Variants in CREBBP observed in about 807,000 individuals in gnomAD.
CREBBP encodes the protein CREB-binding protein.
A neutral mutation model predicts 265.0 loss-of-function variants in CREBBP; 19 were observed. That is an observed-to-expected ratio of 0.07 (90% CI 0.05 to 0.11). The LOEUF is 0.11. CREBBP is among the 10% of genes least tolerant of loss of function. The pLI, the probability that CREBBP is intolerant of heterozygous loss-of-function variation, is 1.00. For synonymous variants in CREBBP, 1,457 were observed against 1,223.7 expected (o/e 1.19, Z -3.98); for missense variants, 2,525 against 3,219.0 (o/e 0.78, Z 5.22).
chr16:3,758,944 G>A lies in CREBBP; in HGVS notation c.3279C>T (p.Ala1093=), dbSNP rs1305289282. ...ACAGTGCTTCTAGGGTTGGCATGAGGGCCTGGCGTAACTCCTCTGGTTTAA... is the reference window on the plus strand; with the variant it reads ...ACAGTGCTTCTAGGGTTGGCATGAGAGCCTGGCGTAACTCCTCTGGTTTAA... The part of the protein sequence containing the change: ...KIFKPEELRQ[A]LMPTLEALYR... Residue 1093 remains alanine, a synonymous_variant, in exon 17 of 31, where the codon GCC becomes GCT. Coordinates refer to ENST00000262367, the MANE Select transcript of CREBBP (RefSeq NM_004380.3). The A allele has an allele frequency of 6.2e-7, 1 of 1,612,948 alleles. No individual in the cohort carries two copies. The highest frequency in any genetic ancestry group is 1.3e-5 in the African/African-American group (1 of 74,860).
intron 19 of CREBBP, among the ~76,000 whole-genome samples, chr16:3,754,801 TG>T (rs2052551744): frequency 6.6e-6 from 1 of 152,244 alleles, no homozygotes; most frequent in South Asian, 2.1e-4. Flanking sequence ...CTTGTTTAAA[TG>T]ATCTGTAGGA....
Position 3,778,051 on chromosome 16 carries a change from C to T in CREBBP, c.2073G>A (p.Gln691=), listed in dbSNP as rs2141233037. The change falls in exon 10 of 31, where the codon CAG becomes CAA. Residue 691 remains glutamine (Q), a synonymous_variant. Coordinates refer to ENST00000262367, the MANE Select transcript of CREBBP (RefSeq NM_004380.3). ...NQPALPAPGA[Q]PPVIPQAQPV... ...GTTGTGCCTGTGGAATCACAGGGGG[C>T]TGAGCCCCCGGGGCTGGTAAGGCTG... 1.2e-6 allele frequency: 2 copies of T among 1,614,242 alleles called. No homozygotes were observed. The highest frequency in any genetic ancestry group is 1.7e-6 in the Non-Finnish European group (2 of 1,180,036).
At position 3,850,676 on chromosome 16, in the gene CREBBP, G is replaced by A. The variant is rs776767724; in HGVS notation, c.419C>T (p.Thr140Ile). Residue 140 changes from threonine (T) to isoleucine (I), a missense_variant, in exon 2 of 31, where the codon ACC becomes ATC. Around this residue, in one of 19 missense-constraint regions of CREBBP, gnomAD observed 356 missense variants for 340.4 expected, o/e 1.05. Coordinates refer to ENST00000262367, the MANE Select transcript of CREBBP (RefSeq NM_004380.3). ...GGAGGCAGCGGGGGTGGGCCCAGAG[G>A]TGCTGGCTGCCTGTTTAGGCAGGCT... Reference protein sequence around the residue: ...APSLPKQAASTSGPTPAASQA... With the variant: ...APSLPKQAASISGPTPAASQA... 2 of 1,614,178 alleles carry A rather than the reference G, an allele frequency of 1.2e-6. No homozygotes were observed. Among genetic ancestry groups the A allele is most frequent in the South Asian group, 1.1e-5 (1 of 91,086 alleles).
At chr16:3,732,284 C>T (rs1396076029) in intron 28 of CREBBP, among the ~76,000 whole-genome samples, 1 of 152,184 alleles carries the variant, frequency 6.6e-6, no homozygotes, top group African/African-American at 2.4e-5. Flanking sequence ...CAACTGTGGT[C>T]AGCAGCTGTC....
chr16:3,766,118 AT>A (rs1487200351), intron 16 of CREBBP, among the ~76,000 whole-genome samples: 2 of 152,170 alleles, frequency 1.3e-5, no homozygotes, highest in African/African-American at 4.8e-5. Flanking sequence ...TTAAGTGTCA[AT>A]TGAAAAAAAA....
At chr16:3,819,130 A>C (rs2054095258) in intron 2 of CREBBP, among the ~76,000 whole-genome samples, 1 of 152,218 alleles carries the variant, frequency 6.6e-6, no homozygotes. Context: ...TTTCTGAAAA[A>C]ACCAAATTTT....
In CREBBP at chr16:3,727,693, G is replaced by C; in HGVS notation, c.*25C>G. On this transcript the variant is annotated 3_prime_UTR_variant, in exon 31 of 31. Transcript: ENST00000262367. Reference sequence around the variant, plus strand: ...GTACAAAAGGTCCAAGAACATGAAAGGGAAAAGGTGATGCTCTCACAATGC... The same window carrying C: ...GTACAAAAGGTCCAAGAACATGAAACGGAAAAGGTGATGCTCTCACAATGC... The C allele has an allele frequency of 6.2e-7, 1 of 1,611,558 alleles. No individual in the cohort carries two copies. Among genetic ancestry groups the C allele is most frequent in the Non-Finnish European group, 8.5e-7 (1 of 1,179,044 alleles).
Position 3,844,134 on chromosome 16 carries a change from C to T in CREBBP, c.798+6163G>A, listed in dbSNP as rs1303696685. 1.4e-4 allele frequency among the ~76,000 whole-genome samples: 16 copies of T among 114,154 alleles called. No homozygotes were observed. The Admixed American group carries it at 1.7e-3, about 12-fold the overall frequency. 74.9% of individuals were successfully genotyped at this position (114,154 alleles called of 152,430 possible). ...CTGCACTCCAGCCTGGGCGACAGAGCGAGACTCCGTCTCAAAAAAAAAAAA... is the reference window on the plus strand; with the variant it reads ...CTGCACTCCAGCCTGGGCGACAGAGTGAGACTCCGTCTCAAAAAAAAAAAA... On this transcript the variant is annotated intron_variant, in intron 2 of 30. Coordinates refer to ENST00000262367, the MANE Select transcript of CREBBP (RefSeq NM_004380.3).
intron 2 of CREBBP, among the ~76,000 whole-genome samples, chr16:3,824,665 A>C (rs535469685): frequency 1.3e-5 from 2 of 151,008 alleles, no homozygotes; most frequent in South Asian, 4.2e-4. Context: ...CCTTTGCCTC[A>C]CCGAGCCCAC....
chr16:3,784,675 C>G (rs771202284), intron 5 of CREBBP, among the ~76,000 whole-genome samples: 2 of 152,162 alleles, frequency 1.3e-5, no homozygotes, highest in Non-Finnish European at 2.9e-5. Context: ...TTAAAAGAAA[C>G]AAAGTATGGA....
Position 3,751,303 on chromosome 16 carries a change from G to A in CREBBP, c.3779+423C>T, listed in dbSNP as rs3025689. 4.1e-4 allele frequency among the ~76,000 whole-genome samples: 63 copies of A among 152,122 alleles called. No individual in the cohort carries two copies. The East Asian group carries it at 0.012, about 29-fold the overall frequency. On this transcript the variant is annotated intron_variant, in intron 20 of 30. Transcript: ENST00000262367. ...AATTAAATGTGATCATAGTTAATATGAAACAAACCCCACAACACAACAGAC... is the reference window on the plus strand; with the variant it reads ...AATTAAATGTGATCATAGTTAATATAAAACAAACCCCACAACACAACAGAC...
chr16:3,754,038 G>A lies in CREBBP; in HGVS notation c.3699-2232C>T, dbSNP rs145235060. Among the ~76,000 whole-genome samples the A allele has an allele frequency of 1.8e-4, 28 of 152,250 alleles. 1 individual carries two copies. In the East Asian group the frequency reaches 5.2e-3, roughly 28 times the overall value. ...TGAGGGAGGCACTGGTGGTGGAATG[G>A]CAGCCCATGCAGTGGCTGGGAAACT... is the stretch of plus-strand genomic sequence containing the variant. On this transcript the variant is annotated intron_variant, in intron 19 of 30. Transcript: ENST00000262367.
chr16:3,831,186 G>C (rs1455717497), intron 2 of CREBBP, among the ~76,000 whole-genome samples: 1 of 152,106 alleles, frequency 6.6e-6, no homozygotes, highest in Non-Finnish European at 1.5e-5. Context: ...CATGTTTTCT[G>C]AACACAGTGG....
chr16:3,867,502 C>A (rs1035215022), intron 1 of CREBBP, among the ~76,000 whole-genome samples: 1 of 151,992 alleles, frequency 6.6e-6, no homozygotes. Flanking sequence ...AAACAAAAAA[C>A]AAGAAAACTT....
At chr16:3,849,448 T>TGTGTGTGTGTGTGTGTGTGTGTGTGTG (rs2054770008) in intron 2 of CREBBP, among the ~76,000 whole-genome samples, 1 of 50,394 alleles carries the variant, frequency 2.0e-5, no homozygotes, top group East Asian at 8.9e-4. Context: ...TGTGTGTGTG[T>TGTGTGTGTGTGTGTGTGTGTGTGTGTG]GTGTGTGTGT....
At chr16:3,778,486 A>G (rs1211007899) in intron 9 of CREBBP, among the ~76,000 whole-genome samples, 1 of 152,242 alleles carries the variant, frequency 6.6e-6, no homozygotes, top group Non-Finnish European at 1.5e-5. Flanking sequence ...GATATAATGT[A>G]AATTTATATA....
At chr16:3,730,006 G>C in intron 30 of CREBBP, 132 bp from the exon 31 acceptor site, 1 of 1,458,674 alleles carries the variant, frequency 6.9e-7, no homozygotes, top group Non-Finnish European at 9.3e-7. Context: ...GACCCAGACA[G>C]GATGCGAGCA....
rs2151334336 is a variant in CREBBP, at chr16:3,738,626, G to A, written c.4327C>T (p.Arg1443Cys). The A allele has an allele frequency of 6.2e-7, 1 of 1,613,934 alleles. No homozygotes were observed. Among genetic ancestry groups the A allele is most frequent in the Non-Finnish European group, 8.5e-7 (1 of 1,179,822 alleles). Residue 1443 changes from arginine (R) to cysteine (C), a missense_variant, in exon 26 of 31, where the codon CGT becomes TGT. Coordinates refer to ENST00000262367, the MANE Select transcript of CREBBP (RefSeq NM_004380.3). The part of the protein sequence containing the change: ...YLDSIHFFRP[R>C]CLRTAVYHEI... ...TGGTAAACGGCTGTGCGGAGGCAAC[G>A]TGGCCGGAAGAAATGAATACTATCC...
rs1316909095 is a variant in CREBBP at position 3,731,504 on chromosome 16, C to T, written c.4891-31G>A. The T allele has an allele frequency of 9.0e-6, 14 of 1,561,376 alleles. No individual in the cohort carries two copies. Among genetic ancestry groups the T allele is most frequent in the Non-Finnish European group, 1.2e-5 (14 of 1,156,394 alleles). On this transcript the variant is annotated intron_variant, in intron 29 of 30. Coordinates refer to ENST00000262367, the MANE Select transcript of CREBBP (RefSeq NM_004380.3). The surrounding 1 kb of genome is among the most constrained non-coding windows in gnomAD (Gnocchi z 7.7). ...GGAGAGGAGGGGCTTTAGTCCCACA[C>T]AAGGGACATGGCACCTCCAGTGGTG...
Sources: allele counts gnomAD v4.1 joint callset (sites outside exome capture counted in the v4.1 genomes callset), GRCh38; gene constraint gnomAD v4.1.1; regional missense constraint gnomAD v4.1.1; non-coding constraint Gnocchi (gnomAD v3.1); transcripts MANE v1.5; gene names NCBI Gene and HGNC (gene_info 2026-07-23, HGNC 2026-07-21).